Variants in CEP20 observed in about 807,000 individuals in gnomAD.
The protein encoded by CEP20 is centrosomal protein 20.
Under a neutral mutation model 20.0 loss-of-function variants are expected in CEP20, and 18 were observed. That is an observed-to-expected ratio of 0.90 (90% CI 0.62 to 1.34). The LOEUF is 1.34. CEP20 is among the 40% of genes most tolerant of loss of function. The probability of loss-of-function intolerance (pLI) is 0.00; values close to 1 mark genes in which losing one functional copy is unlikely to be tolerated. For missense variants in CEP20, 215 were observed against 201.6 expected (o/e 1.07, Z -0.40); for synonymous variants, 77 against 73.7 (o/e 1.04, Z -0.23).
At chr16:15,879,768 A>G (rs1485978119) in intron 3 of CEP20, 36 bp downstream of exon 3, 1 of 1,227,176 alleles carries the variant, frequency 8.1e-7, no homozygotes, top group Non-Finnish European at 1.2e-6. Context: ...ATGACTCAAT[A>G]CAATATGTGG....
chr16:15,874,412 C>A (rs942806474), intron 3 of CEP20, among the ~76,000 whole-genome samples: 1 of 152,072 alleles, frequency 6.6e-6, no homozygotes, highest in Non-Finnish European at 1.5e-5. Context: ...AAAACCACAG[C>A]CAGGAGATTT....
intron 1 of CEP20, chr16:15,885,772 C>G (rs12051385): frequency 0.18 from 26,974 of 152,134 alleles, 2,311 homozygotes; most frequent in East Asian, 0.22. Context: ...TAGAAATCTA[C>G]CACGTGACTG....
At chr16:15,878,474 T>C (rs1264505123) in intron 3 of CEP20, among the ~76,000 whole-genome samples, 5 of 149,730 alleles carry the variant, frequency 3.3e-5, no homozygotes, top group African/African-American at 1.2e-4. Flanking sequence ...AACATTTATA[T>C]AGTAAAGCAA....
At chr16:15,884,375 T>C (rs2045190035) in intron 1 of CEP20, among the ~76,000 whole-genome samples, 170 bp from the exon 2 acceptor site, 1 of 152,248 alleles carries the variant, frequency 6.6e-6, no homozygotes, top group African/African-American at 2.4e-5. Context: ...ACCAGCCATG[T>C]TTATACTAAA....
intron 2 of CEP20, among the ~76,000 whole-genome samples, chr16:15,882,583 C>T (rs897833523): frequency 6.6e-6 from 1 of 152,022 alleles, no homozygotes; most frequent in Non-Finnish European, 1.5e-5. Context: ...TCATAAATTA[C>T]CCAGTCTCAG....
At chr16:15,868,416 C>G (rs909744823) in intron 4 of CEP20, among the ~76,000 whole-genome samples, 1 of 151,996 alleles carries the variant, frequency 6.6e-6, no homozygotes, top group African/African-American at 2.4e-5. Flanking sequence ...GAGCAAGACT[C>G]TTGTCTCGAG....
chr16:15,888,305 G>A (rs1251200003), intron 1 of CEP20, among the ~76,000 whole-genome samples: 1 of 152,106 alleles, frequency 6.6e-6, no homozygotes, highest in Non-Finnish European at 1.5e-5. Flanking sequence ...CCTCTTAGAT[G>A]CCTGAAGATT....
At chr16:15,885,350 C>T (rs549912063) in intron 1 of CEP20, among the ~76,000 whole-genome samples, 7 of 151,960 alleles carry the variant, frequency 4.6e-5, no homozygotes, top group Admixed American at 1.3e-4. Context: ...AAACACAAAC[C>T]TTTGATAATC....
intron 2 of CEP20, among the ~76,000 whole-genome samples, 194 bp downstream of exon 2, chr16:15,883,814 T>G (rs1451271790): frequency 6.6e-6 from 1 of 152,262 alleles, no homozygotes; most frequent in Non-Finnish European, 1.5e-5. Flanking sequence ...ATGCCTAGTT[T>G]AAGTGATTAT....
At chr16:15,880,631 T>C (rs887238452) in intron 2 of CEP20, among the ~76,000 whole-genome samples, 3 of 152,118 alleles carry the variant, frequency 2.0e-5, no homozygotes, top group East Asian at 3.9e-4. Context: ...GGCTACATCA[T>C]GTACGGTTCC....
rs901594940 is a variant in CEP20 at position 15,867,302 on chromosome 16, T to C, written c.*138A>G. Reference sequence around the variant, plus strand: ...AAGAGTTAGCTTTTATTCACAAATGTAGTTAAACATGAGGGGTGTTTTGTA... The same window carrying C: ...AAGAGTTAGCTTTTATTCACAAATGCAGTTAAACATGAGGGGTGTTTTGTA... On this transcript the variant is annotated 3_prime_UTR_variant, in exon 5 of 5. Coordinates refer to ENST00000255759, the MANE Select transcript of CEP20 (RefSeq NM_144600.4). 1 of 513,160 alleles carries C rather than the reference T, an allele frequency of 1.9e-6. No individual in the cohort carries two copies. Among genetic ancestry groups the C allele is most frequent in the Admixed American group, 3.6e-5 (1 of 28,042 alleles). The allele number at this position is 513,160 out of a possible 1,614,324, so 31.8% of individuals were successfully genotyped here. A position where few individuals can be genotyped will look rare whatever the true frequency, so the allele number is the denominator to read the frequency against.
intron 4 of CEP20, among the ~76,000 whole-genome samples, chr16:15,868,326 G>A (rs2044735842): frequency 1.3e-5 from 2 of 151,960 alleles, no homozygotes; most frequent in East Asian, 1.9e-4. Context: ...GGGAGGCTGA[G>A]GGCAGGAGAA....
At chr16:15,880,378 G>A (rs1673428505) in intron 2 of CEP20, among the ~76,000 whole-genome samples, 1 of 152,066 alleles carries the variant, frequency 6.6e-6, no homozygotes, top group South Asian at 2.1e-4. Flanking sequence ...ACACAACCCA[G>A]CAATCTCACT....
At chr16:15,879,272 G>T (rs56285032) in intron 3 of CEP20, among the ~76,000 whole-genome samples, 10,271 of 151,662 alleles carry the variant, frequency 0.068, 458 homozygotes, top group East Asian at 0.21. Flanking sequence ...TTTTGTTTTT[G>T]TTTTAGGAGA....
intron 4 of CEP20, among the ~76,000 whole-genome samples, chr16:15,868,567 G>A (rs1333536161): frequency 6.6e-6 from 1 of 152,098 alleles, no homozygotes; most frequent in East Asian, 1.9e-4. Context: ...TTGATAATAG[G>A]AAAAAATATA....
chr16:15,879,687 C>A, intron 3 of CEP20, 117 bp downstream of exon 3: 3 of 640,532 alleles, frequency 4.7e-6, no homozygotes, highest in Non-Finnish European at 8.0e-6. Flanking sequence ...GGATTTAGGA[C>A]AATGCTTGAC....
intron 2 of CEP20, among the ~76,000 whole-genome samples, chr16:15,881,745 A>G (rs75399444): frequency 0.012 from 1,795 of 152,244 alleles, 44 homozygotes; most frequent in African/African-American, 0.041. Context: ...AAGACATTTA[A>G]AAGTCAGCAG....
intron 1 of CEP20, 134 bp from the exon 2 acceptor site, chr16:15,884,339 A>C: frequency 1.4e-6 from 1 of 715,088 alleles, no homozygotes; most frequent in African/African-American, 1.8e-5. Context: ...AAACATTGTG[A>C]CAAATTATTA....
At chr16:15,877,962 A>T (rs1231248521) in intron 3 of CEP20, among the ~76,000 whole-genome samples, 1 of 152,104 alleles carries the variant, frequency 6.6e-6, no homozygotes, top group Non-Finnish European at 1.5e-5. Context: ...CAGGAGGCTG[A>T]GGCAGAATCA....
Sources: gnomAD v4.1 joint callset for allele counts (sites outside exome capture counted in the v4.1 genomes callset) on GRCh38, gnomAD v4.1.1 for gene constraint, MANE v1.5 for transcripts, NCBI Gene and HGNC (gene_info 2026-07-23, HGNC 2026-07-21) for gene names.